BMPR1B: variants seen among roughly 807,000 people sequenced by gnomAD.
BMPR1B encodes the protein bone morphogenetic protein receptor type-1B.
A neutral mutation model predicts 59.1 loss-of-function variants in BMPR1B; 12 were observed. The observed-to-expected ratio is 0.20, with a 90% CI of 0.13 to 0.33. BMPR1B has a LOEUF of 0.33. Among genes scored for constraint, BMPR1B ranks in the 10% least tolerant of loss-of-function variants. The pLI, the probability that BMPR1B is intolerant of heterozygous loss-of-function variation, is 1.00. For missense variants in BMPR1B, 550 were observed against 610.9 expected (o/e 0.90, Z 1.05); for synonymous variants, 237 against 207.3 (o/e 1.14, Z -1.23).
intron 2 of BMPR1B, among the ~76,000 whole-genome samples, chr4:94,934,925 C>A (rs1164840922): frequency 6.6e-6 from 1 of 151,686 alleles, no homozygotes; most frequent in Non-Finnish European, 1.5e-5. Flanking sequence ...CCAGAGGATC[C>A]CAATTATTAC....
At chr4:95,141,999 A>G (rs1330951875) in intron 10 of BMPR1B, among the ~76,000 whole-genome samples, 1 of 152,178 alleles carries the variant, frequency 6.6e-6, no homozygotes, top group African/African-American at 2.4e-5. Flanking sequence ...TGACCCACCA[A>G]AGTCATAAAA....
intron 1 of BMPR1B, among the ~76,000 whole-genome samples, chr4:94,861,229 G>T (rs1024258008): frequency 2.0e-5 from 3 of 152,206 alleles, no homozygotes; most frequent in Non-Finnish European, 2.9e-5. Flanking sequence ...CTGTGTCTCA[G>T]TTTTCTGATG....
intron 3 of BMPR1B, among the ~76,000 whole-genome samples, chr4:95,022,545 T>C (rs1724064904): frequency 6.6e-6 from 1 of 152,152 alleles, no homozygotes; most frequent in Non-Finnish European, 1.5e-5. Flanking sequence ...ATTTTATTGA[T>C]GTTCTAGGTG....
chr4:95,114,654 A>ACG, intron 4 of BMPR1B, 66 bp from the exon 5 acceptor site: 1 of 1,318,416 alleles, frequency 7.6e-7, no homozygotes, highest in East Asian at 2.3e-5. Context: ...AGACACACAC[A>ACG]CACACACACA....
At chr4:95,015,970 C>T (rs1045171279) in intron 3 of BMPR1B, among the ~76,000 whole-genome samples, 3 of 152,112 alleles carry the variant, frequency 2.0e-5, no homozygotes, top group African/African-American at 7.2e-5. Context: ...GGATTACAGG[C>T]GTGAGCCACC....
intron 2 of BMPR1B, among the ~76,000 whole-genome samples, chr4:94,992,151 G>A (rs1234881030): frequency 6.6e-6 from 1 of 152,164 alleles, no homozygotes; most frequent in Non-Finnish European, 1.5e-5. Flanking sequence ...TTGCCCATCA[G>A]TCAAATTGAG....
At chr4:95,061,585 T>C (rs2149205414) in intron 3 of BMPR1B, among the ~76,000 whole-genome samples, 1 of 152,352 alleles carries the variant, frequency 6.6e-6, no homozygotes, top group Middle Eastern at 3.4e-3. Context: ...TTATCTACTT[T>C]TGTTTTCTCA....
Position 95,011,501 on chromosome 4 carries a change from G to A in BMPR1B, c.-18+15367G>A, listed in dbSNP as rs372062876. Among the ~76,000 whole-genome samples, 8 of 152,184 alleles carry A rather than the reference G, an allele frequency of 5.3e-5. No individual in the cohort carries two copies. In the East Asian group the frequency reaches 1.5e-3, roughly 29 times the overall value. On this transcript the variant is annotated intron_variant, in intron 3 of 12. Transcript: ENST00000515059. ...CATATGGTTCATTGTGGCTGCTGTCGCTCTAGCTGTCATGTCTAATTTCTA... is the reference window on the plus strand; with the variant it reads ...CATATGGTTCATTGTGGCTGCTGTCACTCTAGCTGTCATGTCTAATTTCTA...
At chr4:95,146,270 G>T (rs897560242) in intron 10 of BMPR1B, among the ~76,000 whole-genome samples, 3 of 152,154 alleles carry the variant, frequency 2.0e-5, no homozygotes, top group African/African-American at 7.2e-5. Flanking sequence ...CTATGTAAAG[G>T]ACTGATTTTT....
chr4:95,100,860 T>C (rs1359581871), intron 3 of BMPR1B, among the ~76,000 whole-genome samples: 2 of 152,196 alleles, frequency 1.3e-5, no homozygotes, highest in Admixed American at 6.5e-5. Flanking sequence ...TTTCATGATA[T>C]AATGTATTTT....
intron 6 of BMPR1B, among the ~76,000 whole-genome samples, chr4:95,116,415 GCGCGCGCA>G (rs996075987): frequency 3.5e-4 from 24 of 67,900 alleles, no homozygotes; most frequent in African/African-American, 1.9e-3. Flanking sequence ...CATGCTTTCA[GCGCGCGCA>G]CACACACACA....
chr4:95,009,317 A>AT (rs1472803559), intron 3 of BMPR1B, among the ~76,000 whole-genome samples: 1 of 152,178 alleles, frequency 6.6e-6, no homozygotes, highest in Non-Finnish European at 1.5e-5. Context: ...TAGGTATGCA[A>AT]TTTTTTAATA....
At chr4:95,084,268 C>T (rs1579051020) in intron 3 of BMPR1B, among the ~76,000 whole-genome samples, 1 of 150,576 alleles carries the variant, frequency 6.6e-6, no homozygotes, top group Non-Finnish European at 1.5e-5. Flanking sequence ...ATATTCAGTA[C>T]TCTGTGTATG....
intron 3 of BMPR1B, among the ~76,000 whole-genome samples, chr4:95,090,459 G>GTTTTTATAAACATAAAACATAAAA (rs1729898423): frequency 6.6e-6 from 1 of 151,974 alleles, no homozygotes; most frequent in Non-Finnish European, 1.5e-5. Flanking sequence ...ACAGATACTA[G>GTTTTTATAAACATAAAACATAAAA]CTTGGAGGAA....
intron 3 of BMPR1B, among the ~76,000 whole-genome samples, chr4:95,037,730 A>G (rs1725363281): frequency 6.6e-6 from 1 of 152,224 alleles, no homozygotes; most frequent in Admixed American, 6.5e-5. Flanking sequence ...ATTTGGAAGA[A>G]AAAAGTAATT....
chr4:94,946,373 T>C (rs964804321), intron 2 of BMPR1B, among the ~76,000 whole-genome samples: 1 of 152,212 alleles, frequency 6.6e-6, no homozygotes, highest in African/African-American at 2.4e-5. Context: ...TGTTAAGGAA[T>C]AGTGGCTCTA....
At chr4:94,939,399 C>G (rs1252820324) in intron 2 of BMPR1B, among the ~76,000 whole-genome samples, 2 of 152,068 alleles carry the variant, frequency 1.3e-5, no homozygotes, top group Non-Finnish European at 2.9e-5. Flanking sequence ...TAGTTCTTGA[C>G]AGTGTGGGGT....
At chr4:94,821,783 T>G (rs778164448) in intron 1 of BMPR1B, among the ~76,000 whole-genome samples, 15 of 152,346 alleles carry the variant, frequency 9.8e-5, no homozygotes, top group Middle Eastern at 6.8e-3. Flanking sequence ...TGGATGGTAC[T>G]GTGTGCCAAT....
chr4:95,049,541 CT>C (rs1268533081), intron 3 of BMPR1B, among the ~76,000 whole-genome samples: 1 of 137,640 alleles, frequency 7.3e-6, no homozygotes, highest in Non-Finnish European at 1.5e-5. Context: ...CTCTGTCTAG[CT>C]TTCTTTCCAA....
Sources: allele counts gnomAD v4.1 joint callset (sites outside exome capture counted in the v4.1 genomes callset), GRCh38; gene constraint gnomAD v4.1.1; transcripts MANE v1.5; gene names NCBI Gene and HGNC (gene_info 2026-07-23, HGNC 2026-07-21).